TRABD2B: variants seen among roughly 807,000 people sequenced by gnomAD.
The protein encoded by TRABD2B is metalloprotease TIKI2.
Under a neutral mutation model 40.1 loss-of-function variants are expected in TRABD2B, and 14 were observed. The observed-to-expected ratio is 0.35, with a 90% confidence interval of 0.23 to 0.55. The LOEUF is 0.55. Among genes scored for constraint, TRABD2B ranks in the 20% least tolerant of loss-of-function variants. The pLI, the probability that TRABD2B is intolerant of heterozygous loss-of-function variation, is 0.90. For missense variants in TRABD2B, 541 were observed against 648.6 expected (o/e 0.83, Z 1.80); for synonymous variants, 263 against 277.0 (o/e 0.95, Z 0.50).
intron 2 of TRABD2B, among the ~76,000 whole-genome samples, chr1:47,858,496 T>C (rs1011715941): frequency 1.4e-4 from 22 of 152,192 alleles, no homozygotes; most frequent in Non-Finnish European, 4.4e-5. Context: ...TGGCCTCAAG[T>C]GATCCTCACC....
chr1:47,975,809 T>C (rs540497856), intron 2 of TRABD2B, among the ~76,000 whole-genome samples: 1 of 152,082 alleles, frequency 6.6e-6, no homozygotes, highest in Admixed American at 6.5e-5. Flanking sequence ...AAACTGATCA[T>C]GGAAGTGGGG....
In TRABD2B at chr1:47,765,868, A is replaced by G. The variant is rs1557548945; in HGVS notation, c.*34T>C. ...GGGTGTGGCCGAAGACCCCTGTGTC[A>G]TTTCTCTGGCTTCTCCACTTGGGGT... On this transcript the variant is annotated 3_prime_UTR_variant, in exon 7 of 7. Coordinates refer to ENST00000606738, the MANE Select transcript of TRABD2B (RefSeq NM_001194986.2). 2.8e-6 allele frequency: 2 copies of G among 702,902 alleles called. No homozygotes were observed. The highest frequency in any genetic ancestry group is 5.2e-6 in the Non-Finnish European group (2 of 384,922). The allele number at this position is 702,902 out of a possible 1,614,324, so 43.5% of individuals were successfully genotyped here. A position where few individuals can be genotyped will look rare whatever the true frequency, so the allele number is the denominator to read the frequency against.
At chr1:47,901,685 C>T (rs1475856368) in intron 2 of TRABD2B, among the ~76,000 whole-genome samples, 1 of 152,220 alleles carries the variant, frequency 6.6e-6, no homozygotes, top group Non-Finnish European at 1.5e-5. Context: ...AGATTGATTA[C>T]AGCCATGGGG....
At chr1:47,900,821 T>C (rs574089586) in intron 2 of TRABD2B, among the ~76,000 whole-genome samples, 1 of 152,140 alleles carries the variant, frequency 6.6e-6, no homozygotes, top group African/African-American at 2.4e-5. Context: ...CATTTTTGTC[T>C]TGGTAAAATT....
intron 6 of TRABD2B, among the ~76,000 whole-genome samples, chr1:47,766,756 G>T (rs971740763): frequency 2.6e-5 from 4 of 152,226 alleles, no homozygotes; most frequent in Non-Finnish European, 5.9e-5. Flanking sequence ...GTGGGAGTGG[G>T]ACGCCATGAA....
Position 47,794,718 on chromosome 1 carries a change from C to A in TRABD2B, c.856G>T (p.Val286Leu). The A allele has an allele frequency of 1.3e-6, 2 of 1,536,070 alleles. No homozygotes were observed. The highest frequency in any genetic ancestry group is 1.7e-6 in the Non-Finnish European group (2 of 1,146,650). The change falls in exon 4 of 7, where the codon GTG becomes TTG. Residue 286 changes from valine (V) to leucine (L), a missense_variant. This residue lies in a region of TRABD2B where 369 missense variants were observed against 492.8 expected (regional missense o/e 0.75). Coordinates refer to ENST00000606738, the MANE Select transcript of TRABD2B (RefSeq NM_001194986.2). Reference protein sequence around the residue: ...INTTLPPHEQVTAQEIDSYFR... With the variant: ...INTTLPPHEQLTAQEIDSYFR... ...TAGCTGTCAATCTCCTGGGCCGTCA[C>A]CTGCTCGTGTGGCGGGAGGGTGGTG...
chr1:47,847,292 C>G (rs555660317), intron 2 of TRABD2B, among the ~76,000 whole-genome samples: 49 of 152,278 alleles, frequency 3.2e-4, no homozygotes, highest in African/African-American at 1.2e-3. Context: ...CACACCACCC[C>G]CTTCACAGGA....
intron 1 of TRABD2B, among the ~76,000 whole-genome samples, chr1:47,995,738 G>A (rs1211740055): frequency 6.6e-6 from 1 of 152,136 alleles, no homozygotes; most frequent in Non-Finnish European, 1.5e-5. Context: ...GGTGGGTTGT[G>A]GGAGAACAGT....
At position 47,997,185 on chromosome 1, in the gene TRABD2B, G is replaced by C; in HGVS notation, c.-396C>G. ...GTCCCGGGGTTATGCTGGGCACCCG[G>C]GGCACGCAAGGGTCCCAGGGGTGCG... On this transcript the variant is annotated 5_prime_UTR_variant, in exon 1 of 7. Transcript: ENST00000606738. 1 of 983,528 alleles carries C rather than the reference G, an allele frequency of 1.0e-6. No individual in the cohort carries two copies. Among genetic ancestry groups the C allele is most frequent in the Non-Finnish European group, 1.2e-6 (1 of 829,206 alleles). 60.9% of individuals were successfully genotyped at this position (983,528 alleles called of 1,614,324 possible). A position where few individuals can be genotyped will look rare whatever the true frequency, so the allele number is the denominator to read the frequency against.
intron 2 of TRABD2B, among the ~76,000 whole-genome samples, chr1:47,933,909 T>C (rs79049338): frequency 2.0e-5 from 3 of 152,354 alleles, no homozygotes; most frequent in Non-Finnish European, 2.9e-5. Flanking sequence ...TTGTGGTTAT[T>C]GAGCCCTTGA....
intron 3 of TRABD2B, 125 bp downstream of exon 3, chr1:47,801,348 C>A: frequency 9.6e-7 from 1 of 1,043,084 alleles, no homozygotes; most frequent in African/African-American, 1.6e-5. Context: ...TCAATTTCCC[C>A]ACCTATAAAA....
chr1:47,834,575 A>ACG (rs371863668), intron 2 of TRABD2B, among the ~76,000 whole-genome samples: 1 of 148,918 alleles, frequency 6.7e-6, no homozygotes, highest in Middle Eastern at 3.2e-3. Context: ...ACACACACAC[A>ACG]CGCGCACACA....
In TRABD2B at chr1:47,813,951, C is replaced by G. The variant is rs17424871; in HGVS notation, c.667-12332G>C. ...AGGGAGGAAGTTCCAGGAAGACTTGCGACAAGATCAAGTAACATTCATTAA... is the reference window on the plus strand; with the variant it reads ...AGGGAGGAAGTTCCAGGAAGACTTGGGACAAGATCAAGTAACATTCATTAA... On this transcript the variant is annotated intron_variant, in intron 2 of 6. Transcript: ENST00000606738. The surrounding 1 kb of genome is among the most constrained non-coding windows in gnomAD (Gnocchi z 4.3). Among the ~76,000 whole-genome samples, 3,600 of 152,252 alleles carry G rather than the reference C, an allele frequency of 0.024. 110 individuals are homozygous for G. Among genetic ancestry groups the G allele is most frequent in the Admixed American group, 0.093 (1,420 of 15,296 alleles).
At chr1:47,844,492 C>T (rs1278187835) in intron 2 of TRABD2B, among the ~76,000 whole-genome samples, 1 of 152,206 alleles carries the variant, frequency 6.6e-6, no homozygotes, top group East Asian at 1.9e-4. Context: ...CAACTCCAAT[C>T]CCTATGATCT....
At chr1:47,902,659 G>A (rs893465947) in intron 2 of TRABD2B, among the ~76,000 whole-genome samples, 3 of 151,880 alleles carry the variant, frequency 2.0e-5, no homozygotes, top group Admixed American at 6.6e-5. Context: ...ACTATGCCTA[G>A]TTAATTTTTT....
chr1:47,824,674 A>G (rs1489095790), intron 2 of TRABD2B, among the ~76,000 whole-genome samples: 1 of 152,184 alleles, frequency 6.6e-6, no homozygotes, highest in Non-Finnish European at 1.5e-5. Flanking sequence ...CCCACAACCA[A>G]GAGGCTGAGA....
chr1:47,806,100 G>T (rs1009505067), intron 2 of TRABD2B, among the ~76,000 whole-genome samples: 1 of 152,232 alleles, frequency 6.6e-6, no homozygotes, highest in Non-Finnish European at 1.5e-5. Flanking sequence ...CACCGGACCA[G>T]GTTCTCACAA....
chr1:47,985,042 G>C (rs1645901433), intron 2 of TRABD2B, among the ~76,000 whole-genome samples: 1 of 152,258 alleles, frequency 6.6e-6, no homozygotes, highest in Non-Finnish European at 1.5e-5. Context: ...ATTTGTGTGT[G>C]TGGCACTGTG....
rs1420893815 is a variant in TRABD2B at position 47,809,992 on chromosome 1, T to A, written c.667-8373A>T. On this transcript the variant is annotated intron_variant, in intron 2 of 6. Coordinates refer to ENST00000606738, the MANE Select transcript of TRABD2B (RefSeq NM_001194986.2). ...GTTCCAGGCCCTGGAGGTATAGGAG[T>A]GAACACTGCAAATAAAGATCCCCAC... Among the ~76,000 whole-genome samples, 4 of 152,132 alleles carry A rather than the reference T, an allele frequency of 2.6e-5. No individual in the cohort carries two copies. The East Asian group carries it at 7.8e-4, about 30-fold the overall frequency.
Sources: gnomAD v4.1 joint callset for allele counts (sites outside exome capture counted in the v4.1 genomes callset) on GRCh38, gnomAD v4.1.1 for gene constraint, gnomAD v4.1.1 regional missense constraint, Gnocchi (gnomAD v3.1) non-coding constraint, MANE v1.5 for transcripts, NCBI Gene and HGNC (gene_info 2026-07-23, HGNC 2026-07-21) for gene names.